The following YEATS2 variants were observed in gnomAD, a reference collection of about 807,000 sequenced individuals.
YEATS2 encodes the protein YEATS domain containing 2.
A neutral mutation model predicts 163.2 loss-of-function variants in YEATS2; 77 were observed. The observed-to-expected ratio is 0.47, with a 90% CI of 0.39 to 0.57. The LOEUF is 0.57. YEATS2 is among the 20% of genes least tolerant of loss of function. The probability of loss-of-function intolerance (pLI) is 0.00; values close to 1 mark genes in which losing one functional copy is unlikely to be tolerated. For missense variants in YEATS2, 1,549 were observed against 1,729.8 expected, an observed-to-expected ratio of 0.90 and a Z score of 1.85; for synonymous variants, 631 against 645.1, an observed-to-expected ratio of 0.98 and a Z score of 0.33.
At chr3:183,761,460 A>G (rs1721339409) in intron 13 of YEATS2, 47 bp from the exon 14 acceptor site, 2 of 1,491,152 alleles carry the variant, frequency 1.3e-6, no homozygotes, top group Non-Finnish European at 1.9e-6. Flanking sequence ...GATATCTGAA[A>G]TCACCCATTT....
chr3:183,796,416 G>C (rs573545276), intron 21 of YEATS2, among the ~76,000 whole-genome samples: 1 of 151,364 alleles, frequency 6.6e-6, no homozygotes, highest in Non-Finnish European at 1.5e-5. Context: ...ACAGTTTTAC[G>C]TGGAAATGGG....
intron 7 of YEATS2, among the ~76,000 whole-genome samples, chr3:183,729,098 C>T (rs1213496602): frequency 3.9e-5 from 6 of 152,056 alleles, no homozygotes; most frequent in African/African-American, 7.2e-5. Context: ...CGGTGAAACC[C>T]GGTCTCCACT....
chr3:183,765,265 T>A (rs1421488545), intron 15 of YEATS2, among the ~76,000 whole-genome samples: 1 of 152,254 alleles, frequency 6.6e-6, no homozygotes, highest in Non-Finnish European at 1.5e-5. Flanking sequence ...TTTACTGATT[T>A]CTGCTTTGAA....
intron 9 of YEATS2, among the ~76,000 whole-genome samples, chr3:183,750,395 GTACAGGTA>G (rs1470864311): frequency 6.6e-6 from 1 of 152,182 alleles, no homozygotes; most frequent in African/African-American, 2.4e-5. Flanking sequence ...GAACGTAGGT[GTACAGGTA>G]TCTATTCAAA....
chr3:183,737,354 G>A (rs1460707032), intron 8 of YEATS2, among the ~76,000 whole-genome samples: 1 of 152,092 alleles, frequency 6.6e-6, no homozygotes, highest in Non-Finnish European at 1.5e-5. Flanking sequence ...TAAGAATAGT[G>A]GGGGGAAGAG....
At chr3:183,726,139 T>C (rs1717073178) in intron 6 of YEATS2, among the ~76,000 whole-genome samples, 1 of 151,932 alleles carries the variant, frequency 6.6e-6, no homozygotes, top group South Asian at 2.1e-4. Context: ...GAGATTGGAG[T>C]CTCTGCGTTA....
At chr3:183,755,954 C>T (rs915341301) in intron 11 of YEATS2, among the ~76,000 whole-genome samples, 3 of 151,964 alleles carry the variant, frequency 2.0e-5, no homozygotes, top group Non-Finnish European at 2.9e-5. Context: ...CCATGTTGGT[C>T]AGGCTGGTCT....
intron 8 of YEATS2, among the ~76,000 whole-genome samples, chr3:183,740,797 C>T (rs1171616415): frequency 6.6e-6 from 1 of 152,202 alleles, no homozygotes. Context: ...CTACACCAAA[C>T]AACATATTTT....
At chr3:183,709,406 A>G (rs1347503785) in intron 1 of YEATS2, among the ~76,000 whole-genome samples, 1 of 151,106 alleles carries the variant, frequency 6.6e-6, no homozygotes, top group Non-Finnish European at 1.5e-5. Context: ...ATCTCGGCTC[A>G]CTGCAACCTC....
intron 7 of YEATS2, among the ~76,000 whole-genome samples, chr3:183,730,052 G>GTTTGTTTTTTTTTTTTTTTTTTT (rs1560244258): frequency 2.4e-5 from 1 of 41,698 alleles, no homozygotes; most frequent in Non-Finnish European, 4.4e-5. Flanking sequence ...TTTTTTGTTT[G>GTTTGTTTTTTTTTTTTTTTTTTT]TTTTTTTTTT....
intron 16 of YEATS2, among the ~76,000 whole-genome samples, chr3:183,773,289 G>A (rs1458592113): frequency 2.0e-5 from 3 of 152,068 alleles, no homozygotes; most frequent in East Asian, 3.9e-4. Context: ...TTCATTAATC[G>A]TCCAAACCAC....
intron 20 of YEATS2, 60 bp from the exon 21 acceptor site, chr3:183,790,737 G>C: frequency 6.4e-7 from 1 of 1,572,890 alleles, no homozygotes; most frequent in Admixed American, 1.7e-5. Context: ...CGTCACCGCC[G>C]TCAGTCATCA....
At chr3:183,773,920 G>T (rs879179551) in intron 17 of YEATS2, 126 bp downstream of exon 17, 1 of 1,175,630 alleles carries the variant, frequency 8.5e-7, no homozygotes, top group Admixed American at 3.3e-5. Flanking sequence ...GTGGTGTAAT[G>T]GTAGCATTTG....
At chr3:183,808,998 G>A (rs2108544433) in intron 29 of YEATS2, 99 bp from the exon 30 acceptor site, 1 of 1,214,980 alleles carries the variant, frequency 8.2e-7, no homozygotes, top group South Asian at 1.3e-5. Flanking sequence ...CCTAGTTGCA[G>A]TGGTTTCAAA....
In YEATS2 at chr3:183,744,313, C is replaced by T. The variant is rs547254430; in HGVS notation, c.925-3359C>T. On this transcript the variant is annotated intron_variant, in intron 8 of 30. Transcript: ENST00000305135. ...TGTATTTTTAGTAGAGACGGGGTTT[C>T]ATCATGTTGGCTAGGCTGGTCTCAA... 1.3e-3 allele frequency among the ~76,000 whole-genome samples: 196 copies of T among 151,802 alleles called. 2 individuals are homozygous for T. The highest frequency in any genetic ancestry group is 2.9e-4 in the Non-Finnish European group (20 of 67,942).
At chr3:183,775,845 C>G in intron 17 of YEATS2, 70 bp from the exon 18 acceptor site, 1 of 1,602,806 alleles carries the variant, frequency 6.2e-7, no homozygotes, top group South Asian at 1.1e-5. Context: ...TCTCTGGGCT[C>G]ATTTGTTTTT....
At chr3:183,782,745 C>T (rs1723698061) in intron 19 of YEATS2, among the ~76,000 whole-genome samples, 1 of 152,156 alleles carries the variant, frequency 6.6e-6, no homozygotes, top group Non-Finnish European at 1.5e-5. Flanking sequence ...ATTTTTGTTC[C>T]ATGATTCCAC....
In YEATS2 at chr3:183,790,868, G is replaced by T. The variant is rs371943385; in HGVS notation, c.2985G>T (p.Val995=). 2.1e-5 allele frequency: 34 copies of T among 1,614,042 alleles called. No individual in the cohort carries two copies. The African/African-American group carries it at 4.3e-4, about 20-fold the overall frequency. The change falls in exon 21 of 31, where the codon GTG becomes GTT. Residue 995 remains valine (V), a synonymous_variant. Coordinates refer to ENST00000305135, the MANE Select transcript of YEATS2 (RefSeq NM_018023.5). ...CGAAAACTTCTGGGCAGCAGCAAGT[G>T]TGTGTGAGCCAGGCCACCGTGGGAA... ...SVTKTSGQQQ[V]CVSQATVGTC... is the part of the protein sequence containing the mutation.
intron 16 of YEATS2, among the ~76,000 whole-genome samples, chr3:183,772,939 T>C (rs529587434): frequency 6.6e-6 from 1 of 152,230 alleles, no homozygotes; most frequent in Non-Finnish European, 1.5e-5. Context: ...TCCTCTGATG[T>C]ACTTTACTTT....
Sources: allele counts gnomAD v4.1 joint callset (sites outside exome capture counted in the v4.1 genomes callset), GRCh38; gene constraint gnomAD v4.1.1; transcripts MANE v1.5; gene names NCBI Gene and HGNC (gene_info 2026-07-23, HGNC 2026-07-21).